MYH15: variants seen among roughly 807,000 people sequenced by gnomAD.
MYH15 encodes the protein myosin-15.
Under a neutral mutation model 240.5 loss-of-function variants are expected in MYH15, and 227 were observed. That is an observed-to-expected ratio of 0.94 (90% confidence interval 0.85 to 1.05). The LOEUF (loss-of-function observed/expected upper bound fraction) is 1.05, where lower values mean the gene tolerates loss of function less well. MYH15 is among the 50% of genes least tolerant of loss of function. The pLI, the probability that MYH15 is intolerant of heterozygous loss-of-function variation, is 0.00. For synonymous variants in MYH15, 785 were observed against 796.7 expected (o/e 0.99, Z 0.25); for missense variants, 2,217 against 2,247.5 (o/e 0.99, Z 0.27).
chr3:108,509,595 T>C (rs1341936715), intron 1 of MYH15, among the ~76,000 whole-genome samples: 1 of 152,222 alleles, frequency 6.6e-6, no homozygotes, highest in Non-Finnish European at 1.5e-5. Context: ...TAAAGTCTAA[T>C]GTTGACTAAT....
intron 9 of MYH15, among the ~76,000 whole-genome samples, chr3:108,488,204 G>A (rs13098795): frequency 0.32 from 48,904 of 151,792 alleles, 8,529 homozygotes; most frequent in Non-Finnish European, 0.39. Flanking sequence ...ATTCTACATG[G>A]GTGAGATCAT....
chr3:108,415,306 G>C (rs1238328660), intron 29 of MYH15, among the ~76,000 whole-genome samples: 1 of 152,148 alleles, frequency 6.6e-6, no homozygotes, highest in Non-Finnish European at 1.5e-5. Flanking sequence ...AGGGCACAAG[G>C]TTTAGTTAAT....
rs777630313 is a variant in MYH15 at position 108,503,166 on chromosome 3, A to T, written c.196-1311T>A. Among the ~76,000 whole-genome samples the T allele has an allele frequency of 2.6e-4, 40 of 152,136 alleles. 1 individual carries two copies. The highest frequency in any genetic ancestry group is 5.9e-4 in the Admixed American group (9 of 15,262). On this transcript the variant is annotated intron_variant, in intron 2 of 40. Transcript: ENST00000693548. ...ACATCAAAGAAGGACAAGCAGGACA[A>T]AATAAACCACCTTCAGACTCTTCTT...
In MYH15 at chr3:108,421,316, C is replaced by G. The variant is rs1316732148; in HGVS notation, c.3703-102G>C. 37 of 1,354,258 alleles carry G rather than the reference C, an allele frequency of 2.7e-5. No homozygotes were observed. The East Asian group carries it at 8.7e-4, about 32-fold the overall frequency. The allele number at this position is 1,354,258 out of a possible 1,614,324, so 83.9% of individuals were successfully genotyped here. ...GAGTGGCTCCAGGGATCCGCATGCT[C>G]TCTTCTGTAGTAAAGAGCTCAGCCA... On this transcript the variant is annotated intron_variant, in intron 27 of 40. Transcript: ENST00000693548.
intron 22 of MYH15, among the ~76,000 whole-genome samples, 170 bp downstream of exon 22, chr3:108,444,470 C>T (rs1219106991): frequency 1.3e-5 from 2 of 152,192 alleles, no homozygotes; most frequent in African/African-American, 4.8e-5. Context: ...TAAATCACTT[C>T]ACTATGAAAC....
intron 27 of MYH15, among the ~76,000 whole-genome samples, chr3:108,427,888 A>G (rs960037303): frequency 4.6e-5 from 7 of 152,202 alleles, no homozygotes; most frequent in Non-Finnish European, 8.8e-5. Flanking sequence ...CTTAATCTAA[A>G]GCAAAGCTCC....
At chr3:108,414,574 G>A in intron 29 of MYH15, 146 bp from the exon 30 acceptor site, 1 of 648,296 alleles carries the variant, frequency 1.5e-6, no homozygotes, top group Non-Finnish European at 2.6e-6. Context: ...ATAACACTAG[G>A]GAGAGAATTT....
At chr3:108,505,475 G>A (rs577827523) in intron 2 of MYH15, among the ~76,000 whole-genome samples, 9 of 151,952 alleles carry the variant, frequency 5.9e-5, no homozygotes, top group Admixed American at 1.3e-4. Flanking sequence ...TTGCCATGTT[G>A]CCCAGGCTGC....
At chr3:108,394,296 G>T in intron 35 of MYH15, 140 bp from the exon 36 acceptor site, 2 of 1,074,328 alleles carry the variant, frequency 1.9e-6, no homozygotes, top group Non-Finnish European at 2.6e-6. Context: ...CTTAAGCAGT[G>T]CTCCCAATCC....
upstream of MYH15, among the ~76,000 whole-genome samples, chr3:108,512,695 C>G (rs2083530648): frequency 6.6e-6 from 1 of 152,052 alleles, no homozygotes; most frequent in South Asian, 2.1e-4. Context: ...TCATAATTAA[C>G]AGATTTTTTA....
At chr3:108,471,947 T>C (rs2083181714) in intron 12 of MYH15, among the ~76,000 whole-genome samples, 1 of 152,232 alleles carries the variant, frequency 6.6e-6, no homozygotes, top group Non-Finnish European at 1.5e-5. Context: ...ATCTAACCTT[T>C]CTGGAAAGCA....
At chr3:108,545,875 C>A in the MYH15 span, among the ~76,000 whole-genome samples, 1 of 151,980 alleles carries the variant, frequency 6.6e-6, no homozygotes, top group African/African-American at 2.4e-5. Flanking sequence ...CATGACTGTA[C>A]CTTATACTGA....
chr3:108,535,458 G>A, the MYH15 span, among the ~76,000 whole-genome samples: 13 of 152,044 alleles, frequency 8.6e-5, no homozygotes, highest in African/African-American at 2.9e-4. Flanking sequence ...ATTTATGAGG[G>A]CTCCACTCTC....
At chr3:108,448,880 A>G (rs2082950165) in intron 21 of MYH15, among the ~76,000 whole-genome samples, 1 of 151,924 alleles carries the variant, frequency 6.6e-6, no homozygotes, top group Admixed American at 6.6e-5. Flanking sequence ...AAAACCACCA[A>G]AAAAACAGAA....
At chr3:108,519,597 C>A (rs1447689002) in intron 1 of MYH15, among the ~76,000 whole-genome samples, 4 of 152,112 alleles carry the variant, frequency 2.6e-5, no homozygotes, top group Admixed American at 6.6e-5. Context: ...AAACTAAGAT[C>A]GAGGGCTATA....
chr3:108,481,525 C>T (rs2083267720), intron 11 of MYH15, among the ~76,000 whole-genome samples: 1 of 152,056 alleles, frequency 6.6e-6, no homozygotes, highest in Non-Finnish European at 1.5e-5. Context: ...CTAGAGAAGG[C>T]TTTTCTAATA....
chr3:108,441,402 T>C (rs2082884420), intron 22 of MYH15, 142 bp from the exon 23 acceptor site: 3 of 927,024 alleles, frequency 3.2e-6, no homozygotes, highest in Admixed American at 5.1e-5. Context: ...ACAGCTGCAA[T>C]AATATTCCCA....
the MYH15 span, among the ~76,000 whole-genome samples, chr3:108,538,944 A>T: frequency 6.6e-6 from 1 of 152,186 alleles, no homozygotes. Flanking sequence ...GAAAGAAGGC[A>T]AGAGGGAACT....
rs2082870185 is a variant in MYH15, at chr3:108,439,750, T to C, written c.3062A>G (p.Gln1021Arg). 6.2e-7 allele frequency: 1 copy of C among 1,603,692 alleles called. No homozygotes were observed. Among genetic ancestry groups the C allele is most frequent in the Non-Finnish European group, 8.5e-7 (1 of 1,175,478 alleles). ...ACCGTTACTGACCTCATCAACTTGC[T>C]GTTCCAGCTTCAGATTTGCTTTGCT... ...SLSKANLKLEQQVDELEGALE... is the reference protein window; with the variant it reads ...SLSKANLKLERQVDELEGALE... The change falls in exon 24 of 41, where the codon CAG becomes CGG. Residue 1021 changes from glutamine to arginine, a missense_variant. Gln to Arg is a conservative substitution (Grantham distance 43, BLOSUM62 1). Transcript: ENST00000693548.
Sources: gnomAD v4.1 joint callset for allele counts (sites outside exome capture counted in the v4.1 genomes callset) on GRCh38, gnomAD v4.1.1 for gene constraint, MANE v1.5 for transcripts, NCBI Gene and HGNC (gene_info 2026-07-23, HGNC 2026-07-21) for gene names.